CLCA2: variants seen among roughly 807,000 people sequenced by gnomAD.
CLCA2 encodes the protein calcium-activated chloride channel regulator 2.
Under a neutral mutation model 82.9 loss-of-function variants are expected in CLCA2, and 85 were observed. That is an observed-to-expected ratio of 1.03 (90% CI 0.86 to 1.23). The LOEUF (loss-of-function observed/expected upper bound fraction) is 1.23, where lower values mean the gene tolerates loss of function less well. Ranked by LOEUF, CLCA2 falls within the 50% of genes most tolerant of loss-of-function variation. The pLI, the probability that CLCA2 is intolerant of heterozygous loss-of-function variation, is 0.00. For missense variants in CLCA2, 1,089 were observed against 1,124.8 expected (o/e 0.97, Z 0.45); for synonymous variants, 421 against 391.7 (o/e 1.07, Z -0.88).
intron 5 of CLCA2, among the ~76,000 whole-genome samples, chr1:86,433,759 T>C (rs1662545534): frequency 6.6e-6 from 1 of 152,198 alleles, no homozygotes. Flanking sequence ...CAGCTTTCTT[T>C]TCTATGAAGT....
chr1:86,433,906 C>A (rs895034645), intron 5 of CLCA2, among the ~76,000 whole-genome samples: 1 of 151,984 alleles, frequency 6.6e-6, no homozygotes, highest in South Asian at 2.1e-4. Context: ...CAATGCAAAC[C>A]ATATTTTTAA....
intron 9 of CLCA2, 27 bp from the exon 10 acceptor site, chr1:86,443,760 C>T: frequency 1.9e-6 from 3 of 1,539,392 alleles, no homozygotes; most frequent in Non-Finnish European, 2.7e-6. Context: ...ACACCAGAAA[C>T]TCTCATATAT....
At position 86,438,865 on chromosome 1, in the gene CLCA2, T is replaced by G. The variant is rs945565642; in HGVS notation, c.973-11T>G. On this transcript the variant is annotated splice_polypyrimidine_tract_variant and intron_variant, in intron 6 of 13. Transcript: ENST00000370565. ...ATGTTGCCATTTTCTTTTTTCCTTT[T>G]TGGGACATAGGCTGACAGACTCCTT... is the stretch of plus-strand genomic sequence containing the variant. 6.2e-7 allele frequency: 1 copy of G among 1,611,648 alleles called. No individual in the cohort carries two copies. The highest frequency in any genetic ancestry group is 8.5e-7 in the Non-Finnish European group (1 of 1,178,192).
intron 10 of CLCA2, among the ~76,000 whole-genome samples, chr1:86,445,101 T>C (rs1010507343): frequency 2.0e-5 from 3 of 152,134 alleles, no homozygotes. Context: ...TTTCACCATG[T>C]TGGCCAGGCT....
chr1:86,449,988 A>G lies in CLCA2; in HGVS notation c.1985-575A>G, dbSNP rs567162844. ...ATGCTACCAAATTCTGTCAAACTCC[A>G]GGTCATCAAGTCCCCTAGAATCTAG... On this transcript the variant is annotated intron_variant, in intron 11 of 13. Coordinates refer to ENST00000370565, the MANE Select transcript of CLCA2 (RefSeq NM_006536.7). Among the ~76,000 whole-genome samples the G allele has an allele frequency of 2.6e-4, 39 of 152,324 alleles. No individual in the cohort carries two copies. The South Asian group carries it at 6.8e-3, about 27-fold the overall frequency.
intron 2 of CLCA2, among the ~76,000 whole-genome samples, chr1:86,427,957 C>T (rs943621798): frequency 6.6e-6 from 1 of 152,026 alleles, no homozygotes; most frequent in African/African-American, 2.4e-5. Flanking sequence ...ATAAAATAAC[C>T]CACAGAAAGT....
chr1:86,453,632 T>C (rs764238694), intron 13 of CLCA2, 30 bp downstream of exon 13: 1 of 1,571,632 alleles, frequency 6.4e-7, no homozygotes, highest in Non-Finnish European at 8.7e-7. Context: ...TACCTATTTT[T>C]CCATAAGACA....
At position 86,455,818 on chromosome 1, in the gene CLCA2, TG is replaced by T. The variant is rs1248950117; in HGVS notation, c.*292del. ...CAGTGTCAAGGAAAGTTTGTTTTAT[TG>T]AGGTGGAAAAATAGCCCCAAGCAGA... On this transcript the variant is annotated 3_prime_UTR_variant, in exon 14 of 14. Transcript: ENST00000370565. 1 of 175,882 alleles carries T rather than the reference TG, an allele frequency of 5.7e-6. No homozygotes were observed. Among genetic ancestry groups the T allele is most frequent in the African/African-American group, 2.4e-5 (1 of 42,408 alleles). 10.9% of individuals were successfully genotyped at this position (175,882 alleles called of 1,614,324 possible).
At position 86,440,173 on chromosome 1, in the gene CLCA2, C is replaced by G; in HGVS notation, c.1229C>G (p.Ala410Gly). The G allele has an allele frequency of 6.2e-7, 1 of 1,614,026 alleles. No homozygotes were observed. Among genetic ancestry groups the G allele is most frequent in the Non-Finnish European group, 8.5e-7 (1 of 1,179,952 alleles). Residue 410 changes from alanine (A) to glycine (G), a missense_variant, in exon 8 of 14, where the codon GCT becomes GGT. Coordinates refer to ENST00000370565, the MANE Select transcript of CLCA2 (RefSeq NM_006536.7). ...GTGGTTGAAAAACTGAATGGAAAAG[C>G]TTATGGCTCTGTGATGATATTAGTG... ...FEVVEKLNGK[A>G]YGSVMILVTS...
Position 86,448,946 on chromosome 1 carries a change from C to T in CLCA2, c.1984+1168C>T, listed in dbSNP as rs567777235. On this transcript the variant is annotated intron_variant, in intron 11 of 13. Transcript: ENST00000370565. ...CCAGCCTGGAGAACAGAGCCTACTC[C>T]CCTAGGGAATATCGTCTGATTCAGC... Among the ~76,000 whole-genome samples the T allele has an allele frequency of 2.0e-5, 3 of 152,348 alleles. No individual in the cohort carries two copies. In the East Asian group the frequency reaches 5.8e-4, roughly 29 times the overall value.
intron 12 of CLCA2, among the ~76,000 whole-genome samples, chr1:86,451,804 T>C (rs1342016096): frequency 6.6e-6 from 1 of 152,182 alleles, no homozygotes; most frequent in Non-Finnish European, 1.5e-5. Flanking sequence ...AGGGTAATAA[T>C]TGTACCCTCT....
intron 10 of CLCA2, among the ~76,000 whole-genome samples, chr1:86,445,103 G>A (rs1380133993): frequency 2.6e-5 from 4 of 151,980 alleles, no homozygotes; most frequent in Non-Finnish European, 5.9e-5. Flanking sequence ...TCACCATGTT[G>A]GCCAGGCTGT....
intron 12 of CLCA2, among the ~76,000 whole-genome samples, chr1:86,453,002 GTC>G (rs1028180557): frequency 2.0e-5 from 3 of 152,086 alleles, no homozygotes; most frequent in African/African-American, 7.2e-5. Flanking sequence ...GTGAAACCCT[GTC>G]TCTACTAAAA....
Position 86,430,918 on chromosome 1 carries a change from A to C in CLCA2, c.532A>C (p.Asn178His). 1 of 1,613,736 alleles carries C rather than the reference A, an allele frequency of 6.2e-7. No individual in the cohort carries two copies. Residue 178 changes from asparagine to histidine, a missense_variant, in exon 4 of 14, where the codon AAC becomes CAC. By Grantham distance (68) the Asn-to-His change is moderately conservative. Coordinates refer to ENST00000370565, the MANE Select transcript of CLCA2 (RefSeq NM_006536.7). ...CCGTTGGGGTGTGTTCGATGAGTAT[A>C]ACAATGACAAACCTTTCTACATAAA... is the stretch of plus-strand genomic sequence containing the variant. ...HLRWGVFDEY[N>H]NDKPFYINGQ...
Position 86,424,317 on chromosome 1 carries a change from T to A in CLCA2, c.70T>A (p.Ser24Thr), listed in dbSNP as rs1662345238. The change falls in exon 1 of 14, where the codon TCA becomes ACA. Residue 24 changes from serine (S) to threonine (T), a missense_variant. Transcript: ENST00000370565. ...TGTGACTCTCCTGGTTGCCTTAAGT[T>A]CAGAACTCCCATTCCTGGGAGCTGG... ...KFVTLLVALSSELPFLGAGVQ... is the reference protein window; with the variant it reads ...KFVTLLVALSTELPFLGAGVQ... 6.2e-7 allele frequency: 1 copy of A among 1,613,962 alleles called. No homozygotes were observed. The highest frequency in any genetic ancestry group is 1.1e-5 in the South Asian group (1 of 91,062).
At chr1:86,434,406 A>C in intron 5 of CLCA2, 112 bp from the exon 6 acceptor site, 1 of 818,536 alleles carries the variant, frequency 1.2e-6, no homozygotes. Context: ...ACCACTTTTG[A>C]TTTCTTTTCT....
Position 86,453,407 on chromosome 1 carries a change from A to G in CLCA2, c.2194A>G (p.Arg732Gly). 6.2e-7 allele frequency: 1 copy of G among 1,614,162 alleles called. No homozygotes were observed. Among genetic ancestry groups the G allele is most frequent in the Non-Finnish European group, 8.5e-7 (1 of 1,180,022 alleles). ...QMNAPRKSVGRNEEERKWGFS... is the reference protein window; with the variant it reads ...QMNAPRKSVGGNEEERKWGFS... ...GAATGCTCCAAGGAAATCAGTAGGC[A>G]GAAATGAGGAGGAGCGAAAGTGGGG... The change falls in exon 13 of 14, where the codon AGA becomes GGA. Residue 732 changes from arginine (R) to glycine (G), a missense_variant. Physicochemically the swap from Arg to Gly is moderately radical, Grantham distance 125. Transcript: ENST00000370565.
At chr1:86,432,919 T>C (rs1016045605) in intron 5 of CLCA2, among the ~76,000 whole-genome samples, 5 of 152,216 alleles carry the variant, frequency 3.3e-5, no homozygotes, top group Admixed American at 6.5e-5. Context: ...TCAATCTCTT[T>C]CCTTTGTTTT....
intron 7 of CLCA2, 108 bp from the exon 8 acceptor site, chr1:86,440,040 C>T (rs1051545207): frequency 1.5e-5 from 16 of 1,039,336 alleles, no homozygotes; most frequent in South Asian, 3.0e-5. Flanking sequence ...TGGAGATGGG[C>T]GTGGGGTGTA....
Sources: gnomAD v4.1 joint callset for allele counts (sites outside exome capture counted in the v4.1 genomes callset) on GRCh38, gnomAD v4.1.1 for gene constraint, MANE v1.5 for transcripts, NCBI Gene and HGNC (gene_info 2026-07-23, HGNC 2026-07-21) for gene names.